SPMIP2: variants seen among roughly 807,000 people sequenced by gnomAD.
SPMIP2 encodes the protein sperm microtubule inner protein 2, also known as protein SPMIP2.
At chr4:159,069,818 A>G in the SPMIP2 span, among the ~76,000 whole-genome samples, 2 of 152,176 alleles carry the variant, frequency 1.3e-5, no homozygotes. Flanking sequence ...AAAGTGGAGC[A>G]TTCTTGACTA....
At chr4:158,974,188 C>A in the SPMIP2 span, among the ~76,000 whole-genome samples, 1 of 149,136 alleles carries the variant, frequency 6.7e-6, no homozygotes, top group South Asian at 2.1e-4. Context: ...TAACAGATTA[C>A]CAAAGGCAGA....
At chr4:158,930,789 G>A in the SPMIP2 span, among the ~76,000 whole-genome samples, 1 of 152,180 alleles carries the variant, frequency 6.6e-6, no homozygotes, top group African/African-American at 2.4e-5. Flanking sequence ...TTAGAGTCAT[G>A]AGTCACTGTG....
chr4:158,933,688 T>C, the SPMIP2 span, among the ~76,000 whole-genome samples: 1 of 151,536 alleles, frequency 6.6e-6, no homozygotes. Flanking sequence ...CTTTTTTATG[T>C]CTCTCCTTCT....
the SPMIP2 span, chr4:158,906,148 T>G: frequency 6.6e-6 from 1 of 152,248 alleles, no homozygotes; most frequent in Non-Finnish European, 1.5e-5. Flanking sequence ...TCCTATTTCC[T>G]TTTGCCTAGC....
chr4:158,912,266 G>C, the SPMIP2 span, among the ~76,000 whole-genome samples: 1 of 152,188 alleles, frequency 6.6e-6, no homozygotes, highest in Non-Finnish European at 1.5e-5. Context: ...GATACATACT[G>C]TTAAATCTCA....
the SPMIP2 span, among the ~76,000 whole-genome samples, chr4:158,919,997 G>C: frequency 1.3e-5 from 2 of 152,146 alleles, no homozygotes; most frequent in African/African-American, 2.4e-5. Context: ...GTGTTGCAGG[G>C]GTTCTAATCA....
the SPMIP2 span, among the ~76,000 whole-genome samples, chr4:158,943,540 A>ACAGTAAAATTTGTTAT: frequency 6.6e-6 from 1 of 152,164 alleles, no homozygotes; most frequent in African/African-American, 2.4e-5. Flanking sequence ...AATGATTAAA[A>ACAGTAAAATTTGTTAT]CAGTAAAATT....
chr4:158,903,406 A>G, the SPMIP2 span, among the ~76,000 whole-genome samples: 7 of 152,178 alleles, frequency 4.6e-5, no homozygotes, highest in Non-Finnish European at 1.0e-4. Flanking sequence ...GCTGCAGACC[A>G]GAGCTGTTCC....
the SPMIP2 span, among the ~76,000 whole-genome samples, chr4:159,005,695 A>G: frequency 6.6e-6 from 1 of 152,184 alleles, no homozygotes; most frequent in South Asian, 2.1e-4. Flanking sequence ...AACTTTCAAT[A>G]TTGATTTCAT....
chr4:158,964,137 A>G, the SPMIP2 span, among the ~76,000 whole-genome samples: 2 of 139,604 alleles, frequency 1.4e-5, no homozygotes, highest in African/African-American at 3.0e-5. Flanking sequence ...CCTGGGCAAC[A>G]GAGTGAGACT....
At chr4:159,060,471 TGACTA>T in the SPMIP2 span, among the ~76,000 whole-genome samples, 1 of 152,184 alleles carries the variant, frequency 6.6e-6, no homozygotes, top group African/African-American at 2.4e-5. Context: ...TTAGAGCTGG[TGACTA>T]CACAGGAAAA....
At chr4:159,061,464 C>T in the SPMIP2 span, among the ~76,000 whole-genome samples, 2 of 151,970 alleles carry the variant, frequency 1.3e-5, no homozygotes, top group Non-Finnish European at 2.9e-5. Context: ...TGGGCGCCTC[C>T]ATTTATCCTT....
At chr4:159,074,509 G>A in the SPMIP2 span, among the ~76,000 whole-genome samples, 1 of 152,094 alleles carries the variant, frequency 6.6e-6, no homozygotes, top group Non-Finnish European at 1.5e-5. Flanking sequence ...AAGAGGACAA[G>A]CCACTTCCCT....
At chr4:159,064,684 C>A in the SPMIP2 span, among the ~76,000 whole-genome samples, 1 of 152,064 alleles carries the variant, frequency 6.6e-6, no homozygotes, top group Non-Finnish European at 1.5e-5. Context: ...TTAAATACCC[C>A]AAATTTTGTG....
the SPMIP2 span, among the ~76,000 whole-genome samples, chr4:158,958,277 A>G: frequency 6.6e-6 from 1 of 152,168 alleles, no homozygotes; most frequent in Non-Finnish European, 1.5e-5. Flanking sequence ...GGAGACAGGC[A>G]CAGCCACCAT....
At chr4:159,058,094 A>G in the SPMIP2 span, among the ~76,000 whole-genome samples, 1 of 151,806 alleles carries the variant, frequency 6.6e-6, no homozygotes, top group Non-Finnish European at 1.5e-5. Context: ...TCTTGGGCTG[A>G]AGTGATCCAC....
chr4:159,024,447 T>C, the SPMIP2 span, among the ~76,000 whole-genome samples: 2 of 152,134 alleles, frequency 1.3e-5, no homozygotes, highest in South Asian at 2.1e-4. Context: ...TTGACTAGGA[T>C]CATACACAGC....
At chr4:159,005,305 A>G in the SPMIP2 span, among the ~76,000 whole-genome samples, 1 of 151,794 alleles carries the variant, frequency 6.6e-6, no homozygotes, top group African/African-American at 2.4e-5. Flanking sequence ...TTAGCCGGGC[A>G]TGGTGGTGAG....
At chr4:158,961,395 C>T in the SPMIP2 span, among the ~76,000 whole-genome samples, 2 of 152,088 alleles carry the variant, frequency 1.3e-5, 1 homozygote, top group South Asian at 4.1e-4. Flanking sequence ...ACCTTAATCT[C>T]TTCAATGTTC....
Sources: allele counts gnomAD v4.1 joint callset (sites outside exome capture counted in the v4.1 genomes callset), GRCh38; gene constraint gnomAD v4.1.1; transcripts MANE v1.5; gene names NCBI Gene and HGNC (gene_info 2026-07-23, HGNC 2026-07-21).